The following DIAPH2 variants were observed in gnomAD, a reference collection of about 807,000 sequenced individuals.
DIAPH2 encodes the protein diaphanous related formin 2.
A neutral mutation model predicts 92.7 loss-of-function variants in DIAPH2; 35 were observed. That is an observed-to-expected ratio of 0.38 (90% CI 0.29 to 0.50). The LOEUF is 0.50. DIAPH2 is among the 20% of genes least tolerant of loss of function. The probability of loss-of-function intolerance (pLI) is 0.94; values close to 1 mark genes in which losing one functional copy is unlikely to be tolerated. For synonymous variants in DIAPH2, 301 were observed against 280.4 expected, an observed-to-expected ratio of 1.07 and a Z score of -0.73; for missense variants, 701 against 819.5, an observed-to-expected ratio of 0.86 and a Z score of 1.77.
intron 17 of DIAPH2, among the ~76,000 whole-genome samples, chrX:97,002,112 T>G (rs2066148836): frequency 9.0e-6 from 1 of 111,050 alleles, no homozygotes; most frequent in Non-Finnish European, 1.9e-5. Flanking sequence ...GAGTCTGTTG[T>G]CACTCAGTAG....
At chrX:97,559,115 T>C (rs754406212) in intron 26 of DIAPH2, among the ~76,000 whole-genome samples, 2 of 112,302 alleles carry the variant, frequency 1.8e-5, no homozygotes, top group Admixed American at 1.9e-4. Flanking sequence ...TCTGATTTTC[T>C]GTAATAAGTT....
At chrX:97,584,009 G>T (rs1442727728) in intron 26 of DIAPH2, among the ~76,000 whole-genome samples, 1 of 112,747 alleles carries the variant, frequency 8.9e-6, no homozygotes, top group Non-Finnish European at 1.9e-5. Context: ...CCCGAGTGAG[G>T]CAATGCCTCG....
At chrX:96,943,408 C>G (rs1319363683) in intron 13 of DIAPH2, among the ~76,000 whole-genome samples, 2 of 111,269 alleles carry the variant, frequency 1.8e-5, no homozygotes, top group Non-Finnish European at 3.8e-5. Context: ...AAGCCAAATG[C>G]TTTTCAGAAA....
intron 24 of DIAPH2, among the ~76,000 whole-genome samples, chrX:97,370,356 A>G (rs1224639642): frequency 2.7e-5 from 3 of 111,292 alleles, no homozygotes; most frequent in African/African-American, 9.8e-5. Flanking sequence ...AATAGGATCA[A>G]GCTCAGTTAG....
At chrX:97,535,599 G>A (rs1014039573) in intron 26 of DIAPH2, among the ~76,000 whole-genome samples, 1 of 110,786 alleles carries the variant, frequency 9.0e-6, no homozygotes. Context: ...TTGCAGGCAC[G>A]CGCCACCACA....
chrX:97,459,646 G>A (rs987855007), intron 26 of DIAPH2, among the ~76,000 whole-genome samples: 38 of 111,988 alleles, frequency 3.4e-4, no homozygotes, highest in African/African-American at 1.2e-3. Flanking sequence ...ATATTCTGCA[G>A]TTCACATAAT....
At chrX:96,980,756 A>G (rs1394771965) in intron 17 of DIAPH2, among the ~76,000 whole-genome samples, 1 of 110,403 alleles carries the variant, frequency 9.1e-6, no homozygotes, top group Non-Finnish European at 1.9e-5. Flanking sequence ...TACTCATTAA[A>G]TACCAGAGAT....
In DIAPH2 at chrX:96,957,812, A is replaced by T. The variant is rs780975660; in HGVS notation, c.1615-16A>T. Reference sequence around the variant, plus strand: ...ATATTTTATAAGCATTTAAACTTGGATTATTTATATTTCAGGCACAAGTAC... The same window carrying T: ...ATATTTTATAAGCATTTAAACTTGGTTTATTTATATTTCAGGCACAAGTAC... On this transcript the variant is annotated splice_polypyrimidine_tract_variant and intron_variant, in intron 15 of 26. Coordinates refer to ENST00000324765, the MANE Select transcript of DIAPH2 (RefSeq NM_006729.5). The T allele has an allele frequency of 2.2e-5, 24 of 1,112,587 alleles. 1 individual carries two copies. In the South Asian group the frequency reaches 4.5e-4, roughly 21 times the overall value. 91.7% of individuals were successfully genotyped at this position (1,112,587 alleles called of 1,213,427 possible). A position where few individuals can be genotyped will look rare whatever the true frequency, so the allele number is the denominator to read the frequency against.
chrX:97,255,053 T>C (rs1281719410), intron 23 of DIAPH2, among the ~76,000 whole-genome samples: 2 of 111,602 alleles, frequency 1.8e-5, no homozygotes, highest in Non-Finnish European at 1.9e-5. Flanking sequence ...GGTTCAACCA[T>C]GTACAGGAGA....
intron 25 of DIAPH2, among the ~76,000 whole-genome samples, chrX:97,410,877 C>T (rs1165881999): frequency 9.0e-6 from 1 of 111,682 alleles, no homozygotes; most frequent in Admixed American, 9.5e-5. Flanking sequence ...AAGAAATGAA[C>T]AAAGCCTCCA....
At chrX:97,031,946 T>A (rs1043056815) in intron 17 of DIAPH2, among the ~76,000 whole-genome samples, 1 of 111,616 alleles carries the variant, frequency 9.0e-6, no homozygotes, top group Non-Finnish European at 1.9e-5. Flanking sequence ...TGTGTTAAGG[T>A]TTGAGAAACT....
chrX:97,054,868 G>GA (rs1018496294), intron 17 of DIAPH2, among the ~76,000 whole-genome samples: 6 of 110,488 alleles, frequency 5.4e-5, no homozygotes, highest in Admixed American at 1.9e-4. Context: ...TAAAGGGGAG[G>GA]AAAAAAATGC....
intron 1 of DIAPH2, among the ~76,000 whole-genome samples, chrX:96,708,270 A>C (rs1352096664): frequency 1.7e-4 from 12 of 71,661 alleles, no homozygotes; most frequent in African/African-American, 6.8e-4. Context: ...TTTGAGGTGG[A>C]GTCTGCTCTG....
intron 4 of DIAPH2, among the ~76,000 whole-genome samples, chrX:96,804,833 A>C (rs752614200): frequency 2.3e-4 from 26 of 111,942 alleles, no homozygotes; most frequent in Non-Finnish European, 3.9e-4. Context: ...GGGTAGTAAC[A>C]AAAAGCCTGT....
intron 18 of DIAPH2, among the ~76,000 whole-genome samples, chrX:97,073,352 T>C (rs186301094): frequency 7.4e-4 from 83 of 111,955 alleles, no homozygotes; most frequent in Middle Eastern, 4.7e-3. Flanking sequence ...GATTTTTTTT[T>C]CCTTCTCTCT....
chrX:97,008,376 T>G (rs1181820660), intron 17 of DIAPH2, among the ~76,000 whole-genome samples: 3 of 111,230 alleles, frequency 2.7e-5, no homozygotes, highest in Non-Finnish European at 3.8e-5. Context: ...GAATTCTCCA[T>G]CTGAAAGGTC....
At chrX:96,842,035 A>G (rs990531321) in intron 4 of DIAPH2, among the ~76,000 whole-genome samples, 10 of 111,263 alleles carry the variant, frequency 9.0e-5, no homozygotes, top group Non-Finnish European at 1.7e-4. Context: ...CAGTTAAGGC[A>G]GGAACCGGCC....
intron 26 of DIAPH2, among the ~76,000 whole-genome samples, chrX:97,467,965 A>G (rs1268205885): frequency 4.5e-5 from 5 of 111,978 alleles, no homozygotes; most frequent in East Asian, 2.8e-4. Context: ...TGATGCCTAC[A>G]GTAAAACTTG....
chrX:97,079,213 T>A (rs2066725267), intron 19 of DIAPH2, among the ~76,000 whole-genome samples: 1 of 111,196 alleles, frequency 9.0e-6, no homozygotes, highest in African/African-American at 3.3e-5. Context: ...CCAGAAGTTT[T>A]GATCCCTGGT....
Sources: allele counts gnomAD v4.1 joint callset (sites outside exome capture counted in the v4.1 genomes callset), GRCh38; gene constraint gnomAD v4.1.1; transcripts MANE v1.5; gene names NCBI Gene and HGNC (gene_info 2026-07-23, HGNC 2026-07-21).